SLC25A40: variants seen among roughly 807,000 people sequenced by gnomAD.
The protein encoded by SLC25A40 is solute carrier family 25 member 40.
A neutral mutation model predicts 46.5 loss-of-function variants in SLC25A40; 41 were observed. The observed-to-expected ratio is 0.88, with a 90% CI of 0.69 to 1.14. The LOEUF (loss-of-function observed/expected upper bound fraction) is 1.14, where lower values mean the gene tolerates loss of function less well. Among genes scored for constraint, SLC25A40 ranks in the 50% most tolerant of loss-of-function variants. The probability of loss-of-function intolerance (pLI) is 0.00; values close to 1 mark genes in which losing one functional copy is unlikely to be tolerated. For missense variants in SLC25A40, 386 were observed against 393.6 expected (o/e 0.98, Z 0.16); for synonymous variants, 126 against 127.5 (o/e 0.99, Z 0.08).
chr7:87,850,167 A>G (rs1466339837), intron 5 of SLC25A40, among the ~76,000 whole-genome samples: 2 of 152,170 alleles, frequency 1.3e-5, no homozygotes, highest in Admixed American at 6.5e-5. Flanking sequence ...AATGAAGTCT[A>G]TATTACTCAG....
chr7:87,859,833 T>A (rs1418109147), intron 2 of SLC25A40, among the ~76,000 whole-genome samples: 1 of 151,978 alleles, frequency 6.6e-6, no homozygotes, highest in African/African-American at 2.4e-5. Context: ...CATACATATA[T>A]ATATTTTTGT....
chr7:87,856,381 G>T, intron 3 of SLC25A40, 30 bp from the exon 4 acceptor site: 1 of 1,530,560 alleles, frequency 6.5e-7, no homozygotes, highest in Non-Finnish European at 9.1e-7. Flanking sequence ...TTCAATTAGC[G>T]AGTGGTATCT....
intron 1 of SLC25A40, among the ~76,000 whole-genome samples, chr7:87,860,976 T>C (rs926722929): frequency 6.6e-6 from 1 of 152,186 alleles, no homozygotes; most frequent in Admixed American, 6.5e-5. Flanking sequence ...AGGGCCAGCA[T>C]CATCTATGAC....
At chr7:87,844,273 T>C (rs1417295643) in intron 8 of SLC25A40, among the ~76,000 whole-genome samples, 5 of 152,162 alleles carry the variant, frequency 3.3e-5, no homozygotes, top group African/African-American at 4.8e-5. Flanking sequence ...CAAAGGTATA[T>C]AATACAAATC....
chr7:87,863,351 A>T (rs1270868371), intron 1 of SLC25A40, among the ~76,000 whole-genome samples: 1 of 152,014 alleles, frequency 6.6e-6, no homozygotes, highest in African/African-American at 2.4e-5. Flanking sequence ...GTGCGTTCTC[A>T]CAAGATCTGA....
chr7:87,841,025 G>A (rs1838323807), intron 10 of SLC25A40, among the ~76,000 whole-genome samples: 1 of 151,592 alleles, frequency 6.6e-6, no homozygotes, highest in African/African-American at 2.4e-5. Context: ...GATCCTAGTA[G>A]AAGCAAATAG....
At chr7:87,870,521 C>T (rs1321656170) in intron 1 of SLC25A40, among the ~76,000 whole-genome samples, 1 of 152,086 alleles carries the variant, frequency 6.6e-6, no homozygotes, top group Non-Finnish European at 1.5e-5. Context: ...CCTGGAATTG[C>T]AGCCCAAAGT....
At chr7:87,848,272 T>C (rs1044475382) in intron 6 of SLC25A40, among the ~76,000 whole-genome samples, 5 of 152,166 alleles carry the variant, frequency 3.3e-5, no homozygotes, top group Admixed American at 6.5e-5. Context: ...TGGTGGCACA[T>C]GCCTGTAATC....
chr7:87,876,345 G>T lies in SLC25A40; in HGVS notation c.-343C>A, dbSNP rs904986672. 3.2e-5 allele frequency: 6 copies of T among 186,266 alleles called. No individual in the cohort carries two copies. Among genetic ancestry groups the T allele is most frequent in the Non-Finnish European group, 6.5e-5 (6 of 91,720 alleles). The allele number at this position is 186,266 out of a possible 1,614,324, so 11.5% of individuals were successfully genotyped here. ...GAAACACAACCTGCAGGGCCAGAGC[G>T]AGGCGCGAGAAGGACGGCGGCGTGA... On this transcript the variant is annotated 5_prime_UTR_variant, in exon 1 of 12. Transcript: ENST00000341119.
At chr7:87,837,224 C>A (rs774009077) in intron 10 of SLC25A40, 1 of 150,450 alleles carries the variant, frequency 6.6e-6, no homozygotes, top group Non-Finnish European at 1.5e-5. Context: ...CAAGACCAGC[C>A]TGGTCTTGAA....
intron 1 of SLC25A40, among the ~76,000 whole-genome samples, chr7:87,868,580 C>T (rs989246030): frequency 6.6e-6 from 1 of 152,162 alleles, no homozygotes; most frequent in Admixed American, 6.5e-5. Context: ...GAACAATTTG[C>T]TAGAGTGGTT....
intron 3 of SLC25A40, among the ~76,000 whole-genome samples, chr7:87,856,852 G>A (rs1467123165): frequency 6.6e-6 from 1 of 152,026 alleles, no homozygotes; most frequent in African/African-American, 2.4e-5. Flanking sequence ...CACAGCAAAG[G>A]AAAATAGTTT....
intron 1 of SLC25A40, among the ~76,000 whole-genome samples, chr7:87,866,482 C>T (rs568401323): frequency 6.6e-5 from 10 of 152,212 alleles, no homozygotes; most frequent in African/African-American, 2.4e-4. Flanking sequence ...TTTATCCTTG[C>T]CCTTTTAGAG....
At chr7:87,849,413 G>A (rs141874243) in intron 6 of SLC25A40, among the ~76,000 whole-genome samples, 3 of 152,236 alleles carry the variant, frequency 2.0e-5, no homozygotes, top group Non-Finnish European at 4.4e-5. Context: ...CCTTCTGTGG[G>A]TTTGAAGTTT....
At chr7:87,845,512 T>C (rs539222243) in intron 8 of SLC25A40, among the ~76,000 whole-genome samples, 125 of 152,234 alleles carry the variant, frequency 8.2e-4, no homozygotes, top group African/African-American at 3.0e-3. Flanking sequence ...TGAGGTGGAA[T>C]AGTTTCGTTC....
At chr7:87,868,853 G>A (rs567416331) in intron 1 of SLC25A40, among the ~76,000 whole-genome samples, 8 of 152,236 alleles carry the variant, frequency 5.3e-5, no homozygotes, top group African/African-American at 1.9e-4. Context: ...TTGACCTTCA[G>A]CTCCTCTCCT....
chr7:87,854,588 G>A (rs377438347), intron 4 of SLC25A40, among the ~76,000 whole-genome samples: 12 of 151,928 alleles, frequency 7.9e-5, no homozygotes, highest in Admixed American at 6.6e-4. Context: ...CGAGGCAGGC[G>A]GATCATGAGG....
At chr7:87,864,829 C>T (rs1237182879) in intron 1 of SLC25A40, among the ~76,000 whole-genome samples, 1 of 152,140 alleles carries the variant, frequency 6.6e-6, no homozygotes, top group Non-Finnish European at 1.5e-5. Context: ...CTAATAATAA[C>T]TTACCACTGC....
chr7:87,865,353 A>G (rs1386622189), intron 1 of SLC25A40, among the ~76,000 whole-genome samples: 1 of 152,192 alleles, frequency 6.6e-6, no homozygotes, highest in Non-Finnish European at 1.5e-5. Flanking sequence ...GTCTTAATTT[A>G]CCTATTTTTA....
Sources: gnomAD v4.1 joint callset for allele counts (sites outside exome capture counted in the v4.1 genomes callset) on GRCh38, gnomAD v4.1.1 for gene constraint, MANE v1.5 for transcripts, NCBI Gene and HGNC (gene_info 2026-07-23, HGNC 2026-07-21) for gene names.